Variants in VIPR2 observed in about 807,000 individuals in gnomAD.
The protein encoded by VIPR2 is vasoactive intestinal polypeptide receptor 2.
VIPR2 carries 48 observed loss-of-function variants against 58.0 expected under a neutral mutation model. The ratio of observed to expected loss-of-function variants is 0.83; its 90% confidence interval spans 0.66 to 1.05. VIPR2 has a LOEUF of 1.05. VIPR2 is among the 50% of genes least tolerant of loss of function. The pLI is 0.00. For missense variants in VIPR2, 534 were observed against 558.0 expected, an observed-to-expected ratio of 0.96 and a Z score of 0.43; for synonymous variants, 243 against 235.2, an observed-to-expected ratio of 1.03 and a Z score of -0.30.
chr7:159,040,476 G>A (rs1854259551), intron 6 of VIPR2, among the ~76,000 whole-genome samples: 1 of 152,256 alleles, frequency 6.6e-6, no homozygotes, highest in African/African-American at 2.4e-5. Context: ...GGCTGATGGT[G>A]AGAATAAAGG....
At chr7:159,064,801 G>T (rs896362632) in intron 4 of VIPR2, among the ~76,000 whole-genome samples, 1 of 152,218 alleles carries the variant, frequency 6.6e-6, no homozygotes, top group Non-Finnish European at 1.5e-5. Flanking sequence ...GTGTGCTGGG[G>T]CACCGACCCT....
rs1193380531 is a variant in VIPR2, at chr7:159,099,901, G to C, written c.357+3856C>G. ...GTCAGCCATGGTGTGTGATGACAGA[G>C]GCCGCAATGTTCCCCCTCTCCCTGG... On this transcript the variant is annotated intron_variant, in intron 4 of 12. Coordinates refer to ENST00000262178, the MANE Select transcript of VIPR2 (RefSeq NM_003382.5). This position sits in a 1 kb window ranked among gnomAD's most constrained non-coding sequence, Gnocchi z 4.2. 6.6e-6 allele frequency among the ~76,000 whole-genome samples: 1 copy of C among 152,128 alleles called. No individual in the cohort carries two copies. The highest frequency in any genetic ancestry group is 1.5e-5 in the Non-Finnish European group (1 of 68,018).
intron 4 of VIPR2, among the ~76,000 whole-genome samples, chr7:159,075,606 G>C (rs1272547520): frequency 6.6e-6 from 1 of 151,888 alleles, no homozygotes; most frequent in Non-Finnish European, 1.5e-5. Flanking sequence ...CCCAGGGCTG[G>C]CACCCACGGA....
intron 2 of VIPR2, among the ~76,000 whole-genome samples, chr7:159,118,036 T>C (rs1796307594): frequency 6.6e-6 from 1 of 152,160 alleles, no homozygotes; most frequent in South Asian, 2.1e-4. Flanking sequence ...GAGCAGGAAG[T>C]CCCAGCTGGT....
intron 6 of VIPR2, among the ~76,000 whole-genome samples, chr7:159,037,474 A>G (rs1400495997): frequency 6.6e-6 from 1 of 152,258 alleles, no homozygotes; most frequent in African/African-American, 2.4e-5. Context: ...TCAGGTGAGC[A>G]GCGCCTGGGA....
Position 159,030,602 on chromosome 7 carries a change from A to AGGGACGCGTCC in VIPR2, c.*13_*14insGGACGCGTCCC. 1 of 1,517,940 alleles carries AGGGACGCGTCC rather than the reference A, an allele frequency of 6.6e-7. No individual in the cohort carries two copies. The allele number at this position is 1,517,940 out of a possible 1,614,324, so 94.0% of individuals were successfully genotyped here. On this transcript the variant is annotated 3_prime_UTR_variant, in exon 13 of 13. Transcript: ENST00000262178. ...CCGTGGGCCTCCCGCCGCGTCCGAC[A>AGGGACGCGTCC]GGCAGGGGTGGGGCTAGATGACCGA...
chr7:159,133,991 C>T (rs540794176), intron 2 of VIPR2, among the ~76,000 whole-genome samples: 15 of 152,010 alleles, frequency 9.9e-5, no homozygotes, highest in Admixed American at 3.3e-4. Context: ...TGATATTATC[C>T]GTCTGTTTAA....
chr7:159,130,975 A>T (rs1028823649), intron 2 of VIPR2, among the ~76,000 whole-genome samples: 2 of 152,198 alleles, frequency 1.3e-5, no homozygotes, highest in African/African-American at 4.8e-5. Flanking sequence ...CGTGCTCTGG[A>T]CATGGCATCC....
intron 5 of VIPR2, among the ~76,000 whole-genome samples, chr7:159,046,962 C>T (rs750023126): frequency 4.6e-5 from 7 of 152,164 alleles, no homozygotes; most frequent in South Asian, 4.1e-4. Flanking sequence ...GGGCCGGGCG[C>T]GGTGGCTCAT....
chr7:159,124,637 G>T (rs939127556), intron 2 of VIPR2, among the ~76,000 whole-genome samples: 3 of 152,124 alleles, frequency 2.0e-5, no homozygotes, highest in Non-Finnish European at 4.4e-5. Context: ...CTCTTTCTTG[G>T]TTCCATATGA....
At chr7:159,105,689 G>T (rs1858604214) in intron 3 of VIPR2, among the ~76,000 whole-genome samples, 1 of 151,910 alleles carries the variant, frequency 6.6e-6, no homozygotes, top group Admixed American at 6.5e-5. Context: ...CCCCAGCAGG[G>T]TCTGGGGGCC....
At chr7:159,112,580 C>A (rs1021635277) in intron 2 of VIPR2, among the ~76,000 whole-genome samples, 2 of 152,162 alleles carry the variant, frequency 1.3e-5, no homozygotes, top group Non-Finnish European at 2.9e-5. Flanking sequence ...GGGGGAGAAG[C>A]GAGAGACAGG....
chr7:159,119,896 C>T (rs1295726471), intron 2 of VIPR2, among the ~76,000 whole-genome samples: 1 of 151,712 alleles, frequency 6.6e-6, no homozygotes, highest in Non-Finnish European at 1.5e-5. Flanking sequence ...GGAAGAAACG[C>T]CTGTCCCCTT....
chr7:159,108,839 G>A (rs1387871753), intron 3 of VIPR2, among the ~76,000 whole-genome samples: 2 of 152,200 alleles, frequency 1.3e-5, no homozygotes. Context: ...CTGATTGGAG[G>A]GAACAGTTCT....
intron 2 of VIPR2, among the ~76,000 whole-genome samples, chr7:159,115,946 G>GC (rs1796220695): frequency 7.4e-6 from 1 of 134,850 alleles, no homozygotes; most frequent in African/African-American, 3.1e-5. Flanking sequence ...TAGTCAGGCA[G>GC]CAGGTGTGAG....
intron 2 of VIPR2, among the ~76,000 whole-genome samples, chr7:159,140,387 G>A (rs1797414767): frequency 6.6e-6 from 1 of 152,046 alleles, no homozygotes; most frequent in African/African-American, 2.4e-5. Context: ...CTTTATTCTG[G>A]TAACTTACTT....
At position 159,120,661 on chromosome 7, in the gene VIPR2, G is replaced by A. The variant is rs570984109; in HGVS notation, c.152-10742C>T. ...ACAGGCAGAAGAGTGAAGGCCTCAC[G>A]TTGGCACCACTGCATAGTAACAGGC... On this transcript the variant is annotated intron_variant, in intron 2 of 12. Transcript: ENST00000262178. 7.9e-5 allele frequency among the ~76,000 whole-genome samples: 12 copies of A among 152,294 alleles called. No homozygotes were observed. In the South Asian group the frequency reaches 2.3e-3, roughly 29 times the overall value.
At position 159,028,591 on chromosome 7, in the gene VIPR2, A is replaced by G. The variant is rs1008521996; in HGVS notation, c.*2025T>C. Reference sequence around the variant, plus strand: ...GTTACCACAAATCTTTGTTTCCTCAAAAACCTGAGAGTAGGTGGGGGATGC... The same window carrying G: ...GTTACCACAAATCTTTGTTTCCTCAGAAACCTGAGAGTAGGTGGGGGATGC... On this transcript the variant is annotated 3_prime_UTR_variant, in exon 13 of 13. Transcript: ENST00000262178. 3.3e-5 allele frequency: 5 copies of G among 152,356 alleles called. No homozygotes were observed. The highest frequency in any genetic ancestry group is 1.2e-4 in the African/African-American group (5 of 41,464). The allele number at this position is 152,356 out of a possible 1,614,324, so 9.4% of individuals were successfully genotyped here.
At chr7:159,123,127 T>C (rs1246498880) in intron 2 of VIPR2, among the ~76,000 whole-genome samples, 2 of 151,832 alleles carry the variant, frequency 1.3e-5, no homozygotes, top group African/African-American at 4.8e-5. Flanking sequence ...ACTCTGTCTC[T>C]GCTAAACATA....
Sources: allele counts gnomAD v4.1 joint callset (sites outside exome capture counted in the v4.1 genomes callset), GRCh38; gene constraint gnomAD v4.1.1; non-coding constraint Gnocchi (gnomAD v3.1); transcripts MANE v1.5; gene names NCBI Gene and HGNC (gene_info 2026-07-23, HGNC 2026-07-21).